The following BTRC variants were observed in gnomAD, a reference collection of about 807,000 sequenced individuals.
BTRC encodes the protein F-box/WD repeat-containing protein 1A.
BTRC carries 42 observed loss-of-function variants against 85.5 expected under a neutral mutation model. The observed-to-expected ratio is 0.49, with a 90% CI of 0.38 to 0.64. BTRC has a LOEUF of 0.64. Ranked by LOEUF, BTRC falls within the 30% of genes least tolerant of loss-of-function variation. The pLI, the probability that BTRC is intolerant of heterozygous loss-of-function variation, is 0.00. For synonymous variants in BTRC, 255 were observed against 263.3 expected (o/e 0.97, Z 0.30); for missense variants, 594 against 743.5 (o/e 0.80, Z 2.34).
chr10:101,369,988 A>G (rs1394544628), intron 1 of BTRC, among the ~76,000 whole-genome samples: 2 of 152,154 alleles, frequency 1.3e-5, no homozygotes, highest in Non-Finnish European at 2.9e-5. Flanking sequence ...TTGCTGGCCT[A>G]CACCCTTCCA....
At chr10:101,544,613 C>T (rs1369681828) in intron 13 of BTRC, among the ~76,000 whole-genome samples, 1 of 151,922 alleles carries the variant, frequency 6.6e-6, no homozygotes, top group Non-Finnish European at 1.5e-5. Context: ...ATTGTGTTGC[C>T]CAGACTGGTC....
At chr10:101,536,900 A>G (rs2062395366) in intron 12 of BTRC, among the ~76,000 whole-genome samples, 1 of 152,126 alleles carries the variant, frequency 6.6e-6, no homozygotes, top group Non-Finnish European at 1.5e-5. Flanking sequence ...TTATTTGGTT[A>G]TGTATTTGAC....
At chr10:101,499,628 G>A (rs1946353738) in intron 4 of BTRC, among the ~76,000 whole-genome samples, 1 of 151,466 alleles carries the variant, frequency 6.6e-6, no homozygotes, top group African/African-American at 2.4e-5. Flanking sequence ...CCTCCAAAAT[G>A]TCTTGATTCT....
At chr10:101,387,527 A>ATTTTTTTTTTTTTTTTTT (rs1564741908) in intron 1 of BTRC, among the ~76,000 whole-genome samples, 10 of 16,988 alleles carry the variant, frequency 5.9e-4, no homozygotes, top group Non-Finnish European at 6.8e-4. Context: ...CCTTCATGGG[A>ATTTTTTTTTTTTTTTTTT]CTTTTTTTTT....
chr10:101,433,957 G>GA (rs901330501), intron 2 of BTRC, among the ~76,000 whole-genome samples: 4 of 149,922 alleles, frequency 2.7e-5, no homozygotes, highest in East Asian at 3.9e-4. Flanking sequence ...TAGGAATTAA[G>GA]AAAAAAAAAT....
chr10:101,536,605 G>A lies in BTRC; in HGVS notation c.1529G>A (p.Arg510His). The A allele has an allele frequency of 1.2e-6, 2 of 1,613,930 alleles. No homozygotes were observed. The highest frequency in any genetic ancestry group is 2.2e-5 in the East Asian group (1 of 44,848). The part of the protein sequence containing the change: ...RVLEGHEELV[R>H]CIRFDNKRIV... The stretch of plus-strand genomic sequence containing the variant: ...TTAGAAGGCCATGAGGAATTGGTGC[G>A]TTGTATTCGATTTGATAACAAGAGG... Residue 510 changes from arginine to histidine, a missense_variant, in exon 12 of 15, where the codon CGT becomes CAT. Physicochemically the swap from Arg to His is conservative, Grantham distance 29. Coordinates refer to ENST00000370187, the MANE Select transcript of BTRC (RefSeq NM_033637.4).
At chr10:101,372,101 T>G (rs983966622) in intron 1 of BTRC, among the ~76,000 whole-genome samples, 1 of 152,126 alleles carries the variant, frequency 6.6e-6, no homozygotes, top group Non-Finnish European at 1.5e-5. Flanking sequence ...TCTCAGTAGC[T>G]CCATTGGTCT....
chr10:101,490,929 G>C (rs958101932), intron 4 of BTRC, among the ~76,000 whole-genome samples: 2 of 152,008 alleles, frequency 1.3e-5, no homozygotes, highest in African/African-American at 4.8e-5. Flanking sequence ...TGTGGTGGCT[G>C]CACCTGTTGT....
chr10:101,512,508 C>T (rs537693835), intron 4 of BTRC, among the ~76,000 whole-genome samples: 2 of 152,304 alleles, frequency 1.3e-5, no homozygotes, highest in East Asian at 3.9e-4. Flanking sequence ...ACTAGAAATA[C>T]TTGTCATTTC....
In BTRC at chr10:101,385,829, G is replaced by GTT. The variant is rs11422355; in HGVS notation, c.48+31610_48+31611dup. On this transcript the variant is annotated intron_variant, in intron 1 of 14. Transcript: ENST00000370187. ...TGGGTTAAGAACCCTGATCTAGCTT[G>GTT]TTTTTTTTTTGATTCTTGCATAGTA... 6.9e-4 allele frequency among the ~76,000 whole-genome samples: 101 copies of GTT among 145,646 alleles called. 1 individual carries two copies. The East Asian group carries it at 0.012, about 18-fold the overall frequency.
At position 101,383,985 on chromosome 10, in the gene BTRC, C is replaced by CG. The variant is rs370774496; in HGVS notation, c.48+29759dup. On this transcript the variant is annotated intron_variant, in intron 1 of 14. Coordinates refer to ENST00000370187, the MANE Select transcript of BTRC (RefSeq NM_033637.4). Reference sequence around the variant, plus strand: ...CCGTCTCAGCCTCCCAAATAGTTGCCGGTACCACAGGCTTGTATCACCATG... The same window carrying CG: ...CCGTCTCAGCCTCCCAAATAGTTGCCGGGTACCACAGGCTTGTATCACCATG... 8.0e-4 allele frequency among the ~76,000 whole-genome samples: 122 copies of CG among 152,202 alleles called. 2 individuals carry two copies. The East Asian group carries it at 0.019, about 24-fold the overall frequency.
intron 6 of BTRC, among the ~76,000 whole-genome samples, chr10:101,529,894 CAG>C (rs1347893004): frequency 9.9e-5 from 15 of 152,190 alleles, no homozygotes; most frequent in Admixed American, 6.5e-5. Flanking sequence ...GGATTACACT[CAG>C]AGGCATTTCT....
At chr10:101,424,288 G>T (rs1234154510) in intron 1 of BTRC, among the ~76,000 whole-genome samples, 1 of 152,160 alleles carries the variant, frequency 6.6e-6, no homozygotes, top group Non-Finnish European at 1.5e-5. Context: ...GTGCAATAAG[G>T]CTGGGCAGAT....
chr10:101,539,001 A>C (rs1161761738), intron 13 of BTRC, among the ~76,000 whole-genome samples: 1 of 152,000 alleles, frequency 6.6e-6, no homozygotes, highest in South Asian at 2.1e-4. Flanking sequence ...CAGTGAACCA[A>C]GATCATGCTT....
chr10:101,483,463 C>T (rs1428088920), intron 4 of BTRC, among the ~76,000 whole-genome samples: 1 of 152,052 alleles, frequency 6.6e-6, no homozygotes, highest in Non-Finnish European at 1.5e-5. Context: ...CGTGGTGGCA[C>T]ATGCCTATAA....
At chr10:101,476,349 A>C (rs1019951478) in intron 3 of BTRC, among the ~76,000 whole-genome samples, 2 of 152,340 alleles carry the variant, frequency 1.3e-5, no homozygotes, top group East Asian at 3.9e-4. Context: ...AAACCTGAGT[A>C]AGTTCTGTAC....
In BTRC at chr10:101,536,581, T is replaced by C. The variant is rs2062390144; in HGVS notation, c.1505T>C (p.Leu502Ser). 1 of 1,613,816 alleles carries C rather than the reference T, an allele frequency of 6.2e-7. No individual in the cohort carries two copies. The highest frequency in any genetic ancestry group is 8.5e-7 in the Non-Finnish European group (1 of 1,179,852). ...DIECGACLRV[L>S]EGHEELVRCI... ...GAATGTGGTGCATGTTTACGAGTGT[T>C]AGAAGGCCATGAGGAATTGGTGCGT... Residue 502 changes from leucine (L) to serine (S), a missense_variant, in exon 12 of 15, where the codon TTA (leucine) becomes TCA (serine). Coordinates refer to ENST00000370187, the MANE Select transcript of BTRC (RefSeq NM_033637.4).
intron 1 of BTRC, among the ~76,000 whole-genome samples, chr10:101,384,513 T>A (rs929322521): frequency 6.6e-6 from 1 of 152,252 alleles, no homozygotes; most frequent in Non-Finnish European, 1.5e-5. Context: ...AAATTATAGT[T>A]CTAGTTAGTA....
intron 6 of BTRC, among the ~76,000 whole-genome samples, chr10:101,526,503 G>A (rs541091828): frequency 6.6e-6 from 1 of 152,338 alleles, no homozygotes; most frequent in African/African-American, 2.4e-5. Context: ...CTGTGGCTGG[G>A]CACAGTGCGT....
Sources: gnomAD v4.1 joint callset for allele counts (sites outside exome capture counted in the v4.1 genomes callset) on GRCh38, gnomAD v4.1.1 for gene constraint, MANE v1.5 for transcripts, NCBI Gene and HGNC (gene_info 2026-07-23, HGNC 2026-07-21) for gene names.